Variants in CDKAL1 observed in about 807,000 individuals in gnomAD.
CDKAL1 encodes CDKAL1 threonylcarbamoyladenosine tRNA methylthiotransferase.
Under a neutral mutation model 68.2 loss-of-function variants are expected in CDKAL1, and 32 were observed. That is an observed-to-expected ratio of 0.47 (90% CI 0.35 to 0.63). The LOEUF is 0.63. Ranked by LOEUF, CDKAL1 falls within the 30% of genes least tolerant of loss-of-function variation. CDKAL1 has a pLI of 0.00. For missense variants in CDKAL1, 606 were observed against 696.7 expected, an observed-to-expected ratio of 0.87 and a Z score of 1.47; for synonymous variants, 234 against 244.3, an observed-to-expected ratio of 0.96 and a Z score of 0.39.
chr6:21,105,257 T>C (rs1271200612), intron 12 of CDKAL1, among the ~76,000 whole-genome samples: 1 of 152,238 alleles, frequency 6.6e-6, no homozygotes, highest in African/African-American at 2.4e-5. Context: ...CCACAGGAAC[T>C]GTTTCCAATC....
chr6:21,086,881 C>T (rs1471957613), intron 12 of CDKAL1, among the ~76,000 whole-genome samples: 1 of 152,170 alleles, frequency 6.6e-6, no homozygotes, highest in Non-Finnish European at 1.5e-5. Flanking sequence ...CATAGTCCCT[C>T]ATTTTTAATT....
chr6:20,636,472 G>C (rs1179646060), intron 4 of CDKAL1, among the ~76,000 whole-genome samples: 5 of 151,892 alleles, frequency 3.3e-5, no homozygotes, highest in African/African-American at 4.8e-5. Flanking sequence ...GTCAAGTTTA[G>C]TATTTCTGTG....
At chr6:21,086,145 C>T (rs1468044569) in intron 12 of CDKAL1, among the ~76,000 whole-genome samples, 3 of 152,080 alleles carry the variant, frequency 2.0e-5, no homozygotes, top group African/African-American at 4.8e-5. Context: ...TTGTTTTTAT[C>T]CCCACTTTAC....
intron 13 of CDKAL1, among the ~76,000 whole-genome samples, chr6:21,168,740 C>G (rs778032166): frequency 2.0e-5 from 3 of 152,072 alleles, no homozygotes; most frequent in Non-Finnish European, 4.4e-5. Flanking sequence ...AGGCTTTTAC[C>G]AGTTTTCTTT....
intron 13 of CDKAL1, among the ~76,000 whole-genome samples, chr6:21,195,477 T>TTTATTTATTTA (rs1562107776): frequency 4.2e-5 from 5 of 118,584 alleles, no homozygotes; most frequent in African/African-American, 9.5e-5. Flanking sequence ...GAGATGTTTT[T>TTTATTTATTTA]TTTATTTATT....
intron 11 of CDKAL1, among the ~76,000 whole-genome samples, chr6:21,007,305 C>T (rs1408097851): frequency 6.6e-6 from 1 of 151,812 alleles, no homozygotes; most frequent in Non-Finnish European, 1.5e-5. Context: ...TGGCACTCGC[C>T]TGTAGTCGCA....
At chr6:20,798,628 C>CTGG in intron 8 of CDKAL1, among the ~76,000 whole-genome samples, 1 of 152,032 alleles carries the variant, frequency 6.6e-6, no homozygotes, top group Middle Eastern at 3.4e-3. Context: ...ATGGATGAAG[C>CTGG]TGGAAACCAT....
rs114247564 is a variant in CDKAL1, at chr6:20,706,736, T to G, written c.372-32783T>G. Among the ~76,000 whole-genome samples the G allele has an allele frequency of 7.4e-3, 1,120 of 152,330 alleles. 9 individuals carry two copies. The highest frequency in any genetic ancestry group is 0.012 in the Non-Finnish European group (820 of 68,022). ...TCTGTTTCACCTGCTGCTCTCTTTATGATGTGAAGTGATGAGTCACATGAG... is the reference window on the plus strand; with the variant it reads ...TCTGTTTCACCTGCTGCTCTCTTTAGGATGTGAAGTGATGAGTCACATGAG... On this transcript the variant is annotated intron_variant, in intron 5 of 15. Transcript: ENST00000274695.
At chr6:21,008,967 A>T (rs182474099) in intron 11 of CDKAL1, among the ~76,000 whole-genome samples, 2 of 152,146 alleles carry the variant, frequency 1.3e-5, no homozygotes, top group South Asian at 2.1e-4. Context: ...GATTCTGTGG[A>T]CCCCCGCTGG....
chr6:20,991,640 G>A (rs917462688), intron 10 of CDKAL1, among the ~76,000 whole-genome samples: 2 of 148,664 alleles, frequency 1.3e-5, no homozygotes, highest in Non-Finnish European at 3.0e-5. Flanking sequence ...CCAGGAGGCA[G>A]AGGTTGCAGC....
intron 13 of CDKAL1, among the ~76,000 whole-genome samples, chr6:21,139,263 C>T (rs543755853): frequency 4.5e-4 from 69 of 152,178 alleles, no homozygotes; most frequent in Admixed American, 1.2e-3. Flanking sequence ...AAGAGATCCA[C>T]AAATCACTGG....
At chr6:20,573,230 AT>A (rs1262643682) in intron 4 of CDKAL1, among the ~76,000 whole-genome samples, 1 of 152,082 alleles carries the variant, frequency 6.6e-6, no homozygotes, top group East Asian at 1.9e-4. Context: ...TGTTGTTGTC[AT>A]TTTACCTTGC....
chr6:20,778,169 A>G (rs1045889471), intron 7 of CDKAL1, among the ~76,000 whole-genome samples: 1 of 152,192 alleles, frequency 6.6e-6, no homozygotes, highest in African/African-American at 2.4e-5. Context: ...AACAGAAACA[A>G]TAAAACATGT....
chr6:20,757,169 G>A (rs1426594179), intron 6 of CDKAL1, among the ~76,000 whole-genome samples: 2 of 152,092 alleles, frequency 1.3e-5, no homozygotes, highest in Non-Finnish European at 1.5e-5. Flanking sequence ...CTGACCTCAA[G>A]TGATCTGCCC....
chr6:21,065,322 A>C (rs1043855051), intron 12 of CDKAL1, 94 bp downstream of exon 12: 1 of 970,048 alleles, frequency 1.0e-6, no homozygotes. Context: ...TCATGTTATA[A>C]CCCTTAAATT....
intron 9 of CDKAL1, among the ~76,000 whole-genome samples, chr6:20,945,037 TTATC>T (rs1764168518): frequency 6.7e-6 from 1 of 149,562 alleles, no homozygotes; most frequent in Non-Finnish European, 1.5e-5. Context: ...TATTCTTTCA[TTATC>T]TAGAAACAGT....
At chr6:20,726,537 A>G (rs1380889033) in intron 5 of CDKAL1, among the ~76,000 whole-genome samples, 1 of 152,218 alleles carries the variant, frequency 6.6e-6, no homozygotes, top group African/African-American at 2.4e-5. Context: ...TTGACAACAC[A>G]AAAATACCAT....
intron 5 of CDKAL1, among the ~76,000 whole-genome samples, chr6:20,674,165 C>T (rs1769981488): frequency 6.6e-6 from 1 of 152,016 alleles, no homozygotes; most frequent in Non-Finnish European, 1.5e-5. Flanking sequence ...TTATGGTACT[C>T]TCATTTCATT....
At chr6:20,642,053 C>T (rs1443846134) in intron 4 of CDKAL1, among the ~76,000 whole-genome samples, 5 of 151,914 alleles carry the variant, frequency 3.3e-5, no homozygotes, top group African/African-American at 4.8e-5. Context: ...TATTTTGATA[C>T]GAGAATATAG....
Sources: gnomAD v4.1 joint callset for allele counts (sites outside exome capture counted in the v4.1 genomes callset) on GRCh38, gnomAD v4.1.1 for gene constraint, MANE v1.5 for transcripts, NCBI Gene and HGNC (gene_info 2026-07-23, HGNC 2026-07-21) for gene names.